The following SIDT1 variants were observed in gnomAD, a reference collection of about 807,000 sequenced individuals.
SIDT1 encodes the protein SID1 transmembrane family, member 1.
A neutral mutation model predicts 107.5 loss-of-function variants in SIDT1; 101 were observed. The observed-to-expected ratio is 0.94, with a 90% CI of 0.80 to 1.11. The LOEUF (loss-of-function observed/expected upper bound fraction) is 1.11. Among genes scored for constraint, SIDT1 ranks in the 50% least tolerant of loss-of-function variants. The pLI, the probability that SIDT1 is intolerant of heterozygous loss-of-function variation, is 0.00. For synonymous variants in SIDT1, 395 were observed against 398.2 expected (o/e 0.99, Z 0.10); for missense variants, 1,076 against 1,058.2 (o/e 1.02, Z -0.23).
intron 21 of SIDT1, 134 bp downstream of exon 21, chr3:113,619,860 CA>C (rs1242472990): frequency 3.5e-5 from 27 of 767,952 alleles, no homozygotes; most frequent in East Asian, 7.7e-5. Flanking sequence ...TCTAGAGACT[CA>C]AAAAAAGGTA....
chr3:113,552,066 C>G (rs568693865), intron 1 of SIDT1, among the ~76,000 whole-genome samples: 1 of 152,262 alleles, frequency 6.6e-6, no homozygotes, highest in Non-Finnish European at 1.5e-5. Context: ...TTTAACTGCC[C>G]TTTTGTGAAC....
intron 12 of SIDT1, 56 bp from the exon 13 acceptor site, chr3:113,603,904 C>A: frequency 8.7e-7 from 1 of 1,147,102 alleles, no homozygotes; most frequent in Admixed American, 1.9e-5. Flanking sequence ...GCCTTTGTAT[C>A]TCATGCATAA....
At chr3:113,581,569 T>C in intron 6 of SIDT1, 125 bp downstream of exon 6, 1 of 787,724 alleles carries the variant, frequency 1.3e-6, no homozygotes. Flanking sequence ...CCTTTCTGAT[T>C]GGTTTAAAAA....
At chr3:113,615,153 C>T in intron 19 of SIDT1, 1 of 1,470,022 alleles carries the variant, frequency 6.8e-7, no homozygotes, top group Non-Finnish European at 9.2e-7. Context: ...TCCTGGCAGC[C>T]CTGCTCCCTG....
At chr3:113,569,555 C>T (rs1031808399) in intron 3 of SIDT1, among the ~76,000 whole-genome samples, 27 of 152,112 alleles carry the variant, frequency 1.8e-4, no homozygotes, top group Middle Eastern at 3.4e-3. Context: ...TCCTCTCTAC[C>T]CTCCTTGACA....
chr3:113,611,539 T>G (rs540488293), intron 18 of SIDT1, among the ~76,000 whole-genome samples: 1 of 152,290 alleles, frequency 6.6e-6, no homozygotes, highest in East Asian at 1.9e-4. Flanking sequence ...GCCAGACTGG[T>G]CTCAAACTCC....
At position 113,559,675 on chromosome 3, in the gene SIDT1, G is replaced by C. The variant is rs534045629; in HGVS notation, c.223-6745G>C. On this transcript the variant is annotated intron_variant, in intron 1 of 24. Coordinates refer to ENST00000264852, the MANE Select transcript of SIDT1 (RefSeq NM_017699.3). ...GCTTAGGCTGGTTTCGAACTCCTGAGCTCAAGGGTTCCACACAACTCAGCC... is the reference window on the plus strand; with the variant it reads ...GCTTAGGCTGGTTTCGAACTCCTGACCTCAAGGGTTCCACACAACTCAGCC... Among the ~76,000 whole-genome samples, 3 of 152,196 alleles carry C rather than the reference G, an allele frequency of 2.0e-5. No homozygotes were observed. The South Asian group carries it at 6.2e-4, about 32-fold the overall frequency.
Position 113,532,661 on chromosome 3 carries a change from T to G in SIDT1, c.-361T>G. ...CTCCAATGCCTTTTTATTATTGCTG[T>G]TATTGAGGTTGAGGGAGAAGAGATC... On this transcript the variant is annotated 5_prime_UTR_variant, in exon 1 of 25. Transcript: ENST00000264852. The G allele has an allele frequency of 4.4e-6, 1 of 225,354 alleles. No individual in the cohort carries two copies. The highest frequency in any genetic ancestry group is 9.2e-5 in the East Asian group (1 of 10,894). The allele number at this position is 225,354 out of a possible 1,614,324, so 14.0% of individuals were successfully genotyped here.
At chr3:113,626,022 T>C (rs1179153319) in intron 23 of SIDT1, 80 bp from the exon 24 acceptor site, 6 of 967,958 alleles carry the variant, frequency 6.2e-6, no homozygotes, top group African/African-American at 4.8e-5. Flanking sequence ...AGTAGCGTTT[T>C]TGTGGCTTTC....
At chr3:113,581,287 A>G (rs1221821922) in intron 5 of SIDT1, 74 bp from the exon 6 acceptor site, 3 of 1,208,340 alleles carry the variant, frequency 2.5e-6, no homozygotes, top group Non-Finnish European at 3.7e-6. Context: ...AAAGATGCTG[A>G]CAGGACCTAT....
At chr3:113,600,619 T>C (rs1282623184) in intron 10 of SIDT1, among the ~76,000 whole-genome samples, 1 of 152,244 alleles carries the variant, frequency 6.6e-6, no homozygotes, top group South Asian at 2.1e-4. Context: ...AGCAAAGCTC[T>C]ATGCTGTAAC....
chr3:113,615,827 G>A (rs766324104), intron 19 of SIDT1, among the ~76,000 whole-genome samples: 2 of 152,160 alleles, frequency 1.3e-5, no homozygotes, highest in Non-Finnish European at 2.9e-5. Context: ...CAGAATAAGG[G>A]TCCACCAGCC....
chr3:113,624,243 T>G (rs1213219744), intron 23 of SIDT1, among the ~76,000 whole-genome samples: 2 of 152,208 alleles, frequency 1.3e-5, no homozygotes, highest in Non-Finnish European at 2.9e-5. Context: ...CTCATATGCA[T>G]CAGCATTCAC....
Position 113,573,546 on chromosome 3 carries a change from T to G in SIDT1, c.516-3376T>G, listed in dbSNP as rs551396984. ...TAAGTCACTGGATTTAGCGATTAGATAGTGCTATGGTCTCAATGTTTACTT... is the reference window on the plus strand; with the variant it reads ...TAAGTCACTGGATTTAGCGATTAGAGAGTGCTATGGTCTCAATGTTTACTT... On this transcript the variant is annotated intron_variant, in intron 3 of 24. Transcript: ENST00000264852. Among the ~76,000 whole-genome samples, 8 of 152,298 alleles carry G rather than the reference T, an allele frequency of 5.3e-5. No individual in the cohort carries two copies. In the South Asian group the frequency reaches 1.7e-3, roughly 32 times the overall value.
At chr3:113,619,761 A>G (rs1440971344) in intron 21 of SIDT1, 35 bp downstream of exon 21, 5 of 1,588,496 alleles carry the variant, frequency 3.1e-6, no homozygotes, top group Admixed American at 1.7e-5. Context: ...TTTTGCCTTT[A>G]TTAATGTCAG....
At chr3:113,536,058 G>A in intron 1 of SIDT1, among the ~76,000 whole-genome samples, 1 of 152,216 alleles carries the variant, frequency 6.6e-6, no homozygotes, top group East Asian at 1.9e-4. Flanking sequence ...ATAGGTGATA[G>A]ATTAAATCAG....
At position 113,556,186 on chromosome 3, in the gene SIDT1, C is replaced by T. The variant is rs143093232; in HGVS notation, c.223-10234C>T. Among the ~76,000 whole-genome samples the T allele has an allele frequency of 6.3e-3, 956 of 152,300 alleles. 11 individuals are homozygous for T. The highest frequency in any genetic ancestry group is 0.022 in the African/African-American group (923 of 41,556). On this transcript the variant is annotated intron_variant, in intron 1 of 24. Transcript: ENST00000264852. ...ATAAAATCTAGGTCTATATATCTTT[C>T]TTTATTATGCCATAAATGTACAGAA...
chr3:113,544,350 C>G (rs1939320617), intron 1 of SIDT1, among the ~76,000 whole-genome samples: 2 of 152,080 alleles, frequency 1.3e-5, no homozygotes, highest in South Asian at 4.1e-4. Flanking sequence ...ACAACCACGC[C>G]CAGCTAATTT....
In SIDT1 at chr3:113,533,126, G is replaced by A. The variant is rs760252827; in HGVS notation, c.105G>A (p.Pro35=). 1.3e-6 allele frequency: 2 copies of A among 1,559,694 alleles called. No individual in the cohort carries two copies. Among genetic ancestry groups the A allele is most frequent in the Admixed American group, 1.9e-5 (1 of 52,716 alleles). ...AATCCCCCAGGCAGCCCCCGGCACC[G>A]CGCCGCGACCCCTTCGACGCTGCCA... is the stretch of plus-strand genomic sequence containing the variant. ...PAKSPRQPPA[P]RRDPFDAARG... Residue 35 remains proline (P), a synonymous_variant, in exon 1 of 25, where the codon CCG becomes CCA. Transcript: ENST00000264852.
Sources: allele counts gnomAD v4.1 joint callset (sites outside exome capture counted in the v4.1 genomes callset), GRCh38; gene constraint gnomAD v4.1.1; transcripts MANE v1.5; gene names NCBI Gene and HGNC (gene_info 2026-07-23, HGNC 2026-07-21).